SATB1: variants seen among roughly 807,000 people sequenced by gnomAD.
The protein encoded by SATB1 is DNA-binding protein SATB1.
A neutral mutation model predicts 86.9 loss-of-function variants in SATB1; 11 were observed. The ratio of observed to expected loss-of-function variants is 0.13; its 90% confidence interval spans 0.08 to 0.21. The LOEUF (loss-of-function observed/expected upper bound fraction) is 0.21. SATB1 is among the 10% of genes least tolerant of loss of function. The pLI, the probability that SATB1 is intolerant of heterozygous loss-of-function variation, is 1.00. For missense variants in SATB1, 551 were observed against 937.6 expected (o/e 0.59, Z 5.39); for synonymous variants, 357 against 357.2 (o/e 1.00, Z 0.01).
At chr3:18,383,152 A>G (rs1202215480) in intron 8 of SATB1, among the ~76,000 whole-genome samples, 2 of 152,218 alleles carry the variant, frequency 1.3e-5, no homozygotes, top group African/African-American at 2.4e-5. Context: ...GATGAAGCAC[A>G]GGGCATAACT....
At chr3:18,435,755 G>A in intron 2 of SATB1, among the ~76,000 whole-genome samples, 1 of 151,878 alleles carries the variant, frequency 6.6e-6, no homozygotes, top group Non-Finnish European at 1.5e-5. Flanking sequence ...GGAAAAATGA[G>A]TTTGCTCTCA....
At chr3:18,368,070 A>G (rs1695275523) in intron 9 of SATB1, among the ~76,000 whole-genome samples, 2 of 152,200 alleles carry the variant, frequency 1.3e-5, no homozygotes, top group African/African-American at 4.8e-5. Context: ...CCACACAACT[A>G]TGCTTTGAAT....
intron 5 of SATB1, among the ~76,000 whole-genome samples, chr3:18,400,197 T>C (rs1180220184): frequency 3.3e-5 from 5 of 152,304 alleles, no homozygotes; most frequent in East Asian, 1.9e-4. Context: ...AGTTCCATGT[T>C]AGAAAGGCTT....
intron 2 of SATB1, among the ~76,000 whole-genome samples, chr3:18,417,874 T>C (rs1244461750): frequency 2.6e-5 from 4 of 152,146 alleles, no homozygotes; most frequent in Admixed American, 6.6e-5. Flanking sequence ...GGAATCTGCA[T>C]AGATTTGGTG....
chr3:18,375,087 T>G (rs969742601), intron 9 of SATB1, among the ~76,000 whole-genome samples: 2 of 152,096 alleles, frequency 1.3e-5, no homozygotes, highest in Non-Finnish European at 2.9e-5. Flanking sequence ...GTAAGAACCT[T>G]GTGTTCCATG....
At chr3:18,353,965 C>A (rs925849195) in intron 9 of SATB1, among the ~76,000 whole-genome samples, 1 of 152,268 alleles carries the variant, frequency 6.6e-6, no homozygotes, top group African/African-American at 2.4e-5. Context: ...TGAAGATTTA[C>A]CTGAAAGACT....
intron 2 of SATB1, among the ~76,000 whole-genome samples, chr3:18,420,048 T>C (rs571525577): frequency 6.6e-6 from 1 of 152,296 alleles, no homozygotes; most frequent in African/African-American, 2.4e-5. Context: ...TGAAGCTCCT[T>C]ATGAGGCACA....
Position 18,348,517 on chromosome 3 carries a change from T to C in SATB1, c.*653A>G, listed in dbSNP as rs897127643. 1 of 152,564 alleles carries C rather than the reference T, an allele frequency of 6.6e-6. No individual in the cohort carries two copies. Among genetic ancestry groups the C allele is most frequent in the African/African-American group, 2.4e-5 (1 of 41,446 alleles). 9.5% of individuals were successfully genotyped at this position (152,564 alleles called of 1,614,324 possible). ...CTACAAATAAATAATGAGGACTAAA[T>C]TGTGTTTCACATTTTCTTTTCCTTT... On this transcript the variant is annotated 3_prime_UTR_variant, in exon 11 of 11. Transcript: ENST00000338745.
chr3:18,360,556 C>CT (rs1694859713), intron 9 of SATB1, among the ~76,000 whole-genome samples: 1 of 151,742 alleles, frequency 6.6e-6, no homozygotes. Context: ...TCAAATACTA[C>CT]TTGTCTTTCA....
At chr3:18,423,278 A>AT (rs992629101) in intron 1 of SATB1, among the ~76,000 whole-genome samples, 5 of 152,228 alleles carry the variant, frequency 3.3e-5, no homozygotes, top group African/African-American at 1.2e-4. Context: ...TTATCTGCCC[A>AT]TAAACTAAGA....
intron 3 of SATB1, among the ~76,000 whole-genome samples, chr3:18,416,628 G>C (rs1027230041): frequency 5.3e-5 from 8 of 151,930 alleles, no homozygotes; most frequent in African/African-American, 1.9e-4. Context: ...CTTCCTTGTG[G>C]GTCCTCAGTG....
intron 2 of SATB1, among the ~76,000 whole-genome samples, chr3:18,419,641 T>C (rs1389696585): frequency 6.6e-6 from 1 of 152,204 alleles, no homozygotes; most frequent in Non-Finnish European, 1.5e-5. Context: ...TAATGCACTC[T>C]GTTTGAAAAG....
At position 18,352,545 on chromosome 3, in the gene SATB1, T is replaced by TGGCC. The variant is rs1290723423; in HGVS notation, c.1576-354_1576-351dup. 3 of 232,008 alleles carry TGGCC rather than the reference T, an allele frequency of 1.3e-5. No homozygotes were observed. The highest frequency in any genetic ancestry group is 2.2e-5 in the African/African-American group (1 of 44,618). The allele number at this position is 232,008 out of a possible 1,614,324, so 14.4% of individuals were successfully genotyped here. ...ACAACTTTGCTATCTGACGAGTGGC[T>TGGCC]GGCCATCTGAGGATACGGAAGTGCC... On this transcript the variant is annotated intron_variant, in intron 9 of 10. Transcript: ENST00000338745. The surrounding 1 kb of genome is among the most constrained non-coding windows in gnomAD (Gnocchi z 4.1).
Position 18,349,095 on chromosome 3 carries a change from A to C in SATB1, c.*75T>G. 1 of 1,538,786 alleles carries C rather than the reference A, an allele frequency of 6.5e-7. No homozygotes were observed. The highest frequency in any genetic ancestry group is 8.7e-7 in the Non-Finnish European group (1 of 1,147,456). The stretch of plus-strand genomic sequence containing the variant: ...AACAATGAACAACAAAGGTTTTCTG[A>C]GAGAAGACAAGGTGGACTTTTCATT... On this transcript the variant is annotated 3_prime_UTR_variant, in exon 11 of 11. Coordinates refer to ENST00000338745, the MANE Select transcript of SATB1 (RefSeq NM_002971.6). This position sits in a 1 kb window ranked among gnomAD's most constrained non-coding sequence, Gnocchi z 5.5.
At chr3:18,421,063 A>C in intron 1 of SATB1, 72 bp from the exon 2 acceptor site, 3 of 1,012,800 alleles carry the variant, frequency 3.0e-6, no homozygotes, top group Non-Finnish European at 3.0e-6. Flanking sequence ...TCCTATGTAA[A>C]TGTTTTAGCT....
rs1694069061 is a variant in SATB1, at chr3:18,346,598, G to GTGTGTGTGTGTGTGTGTT, written c.*2571_*2572insAACACACACACACACACA. ...TGTGCTTGTGTGTGTGTGTGTGTGT[G>GTGTGTGTGTGTGTGTGTT]TGTGTGTGTATGTGTGGGCATTTAA... On this transcript the variant is annotated 3_prime_UTR_variant, in exon 11 of 11. Coordinates refer to ENST00000338745, the MANE Select transcript of SATB1 (RefSeq NM_002971.6). The GTGTGTGTGTGTGTGTGTT allele has an allele frequency of 1.3e-5, 2 of 151,210 alleles. No individual in the cohort carries two copies. The highest frequency in any genetic ancestry group is 2.9e-5 in the Non-Finnish European group (2 of 67,858). 9.4% of individuals were successfully genotyped at this position (151,210 alleles called of 1,614,324 possible).
chr3:18,409,428 TCTCA>T (rs1429712641), intron 5 of SATB1: 1 of 152,044 alleles, frequency 6.6e-6, no homozygotes, highest in Non-Finnish European at 1.5e-5. Flanking sequence ...AGAGCAGACA[TCTCA>T]CTAAGTTGAA....
At chr3:18,367,329 AC>A (rs2125161629) in intron 9 of SATB1, among the ~76,000 whole-genome samples, 1 of 152,302 alleles carries the variant, frequency 6.6e-6, no homozygotes, top group Admixed American at 6.5e-5. Flanking sequence ...GATGACTTCA[AC>A]AATGATGATG....
intron 5 of SATB1, among the ~76,000 whole-genome samples, chr3:18,399,558 A>G (rs1697143978): frequency 6.6e-6 from 1 of 152,166 alleles, no homozygotes; most frequent in African/African-American, 2.4e-5. Context: ...GTTTATTATT[A>G]TTCGTACATG....
Sources: allele counts gnomAD v4.1 joint callset (sites outside exome capture counted in the v4.1 genomes callset), GRCh38; gene constraint gnomAD v4.1.1; non-coding constraint Gnocchi (gnomAD v3.1); transcripts MANE v1.5; gene names NCBI Gene and HGNC (gene_info 2026-07-23, HGNC 2026-07-21).